Variants in TOMM7 observed in about 807,000 individuals in gnomAD.
TOMM7 encodes the protein translocase of outer mitochondrial membrane 7, also known as mitochondrial import receptor subunit TOM7 homolog.
Under a neutral mutation model 9.5 loss-of-function variants are expected in TOMM7, and 8 were observed. That is an observed-to-expected ratio of 0.84 (90% CI 0.49 to 1.51). The LOEUF is 1.51. TOMM7 is among the 40% of genes most tolerant of loss of function. The pLI, the probability that TOMM7 is intolerant of heterozygous loss-of-function variation, is 0.00. For missense variants in TOMM7, 74 were observed against 63.7 expected (o/e 1.16, Z -0.55); for synonymous variants, 27 against 21.4 (o/e 1.26, Z -0.72).
intron 1 of TOMM7, 143 bp downstream of exon 1, chr7:22,822,534 G>A: frequency 1.3e-6 from 1 of 793,074 alleles, no homozygotes; most frequent in African/African-American, 1.7e-5. Context: ...GGTTAGATCG[G>A]CCCCACTTGA....
chr7:22,813,295 T>C (rs1782272529), intron 2 of TOMM7, 110 bp from the exon 3 acceptor site: 6 of 927,792 alleles, frequency 6.5e-6, no homozygotes, highest in Non-Finnish European at 9.9e-6. Flanking sequence ...TCCTCATCTA[T>C]CAAATTCAGT....
intron 1 of TOMM7, among the ~76,000 whole-genome samples, chr7:22,820,126 G>A (rs945503449): frequency 1.3e-5 from 2 of 152,144 alleles, no homozygotes; most frequent in Non-Finnish European, 2.9e-5. Context: ...CTTGAAACCA[G>A]AAGTTCAAGA....
At chr7:22,819,617 C>T (rs1015324602) in intron 1 of TOMM7, among the ~76,000 whole-genome samples, 10 of 152,182 alleles carry the variant, frequency 6.6e-5, no homozygotes, top group Non-Finnish European at 8.8e-5. Flanking sequence ...GTAATCCACC[C>T]GCCCCAGCCT....
chr7:22,817,983 AGTTTT>A lies in TOMM7; in HGVS notation c.152+12_152+16del, dbSNP rs764240419. The A allele has an allele frequency of 6.2e-7, 1 of 1,611,770 alleles. No individual in the cohort carries two copies. Among genetic ancestry groups the A allele is most frequent in the Non-Finnish European group, 8.5e-7 (1 of 1,178,164 alleles). Reference sequence around the variant, plus strand: ...TATGAACATTTGTCCTGAAATGTTTAGTTTTAAGAGCAGTACCTCAAAACAGTTGG... The same window carrying A: ...TATGAACATTTGTCCTGAAATGTTTAAAGAGCAGTACCTCAAAACAGTTGG... On this transcript the variant is annotated intron_variant, in intron 2 of 2. Transcript: ENST00000358435.
In TOMM7 at chr7:22,813,155, A is replaced by G. The variant is rs755096940; in HGVS notation, c.*15T>C. On this transcript the variant is annotated 3_prime_UTR_variant, in exon 3 of 3. Transcript: ENST00000358435. ...TCCGCTGATTGCCTCCAAATCCAGAAGACCAAATAATCCTTTATCCCCAAA... is the reference window on the plus strand; with the variant it reads ...TCCGCTGATTGCCTCCAAATCCAGAGGACCAAATAATCCTTTATCCCCAAA... The G allele has an allele frequency of 1.9e-6, 3 of 1,613,908 alleles. No homozygotes were observed. The Admixed American group carries it at 5.0e-5, about 27-fold the overall frequency.
intron 2 of TOMM7, among the ~76,000 whole-genome samples, chr7:22,816,953 C>G (rs1254827278): frequency 6.6e-6 from 1 of 152,198 alleles, no homozygotes; most frequent in African/African-American, 2.4e-5. Flanking sequence ...TAGTGAATAA[C>G]ATATTTTCTG....
chr7:22,822,749 T>G lies in TOMM7; in HGVS notation c.31A>C (p.Arg11=). MVKLSKEAKQ[R]LQQLFKGSQF... is the part of the protein sequence containing the mutation. ...CTCCCCTTGAAGAGCTGCTGTAGTC[T>G]CTGCTTGGCCTCTTTGCTCAGCTTC... The change falls in exon 1 of 3, where the codon AGA becomes CGA. Residue 11 remains arginine (R), a synonymous_variant. Coordinates refer to ENST00000358435, the MANE Select transcript of TOMM7 (RefSeq NM_019059.5). 1 of 1,614,200 alleles carries G rather than the reference T, an allele frequency of 6.2e-7. No homozygotes were observed. Among genetic ancestry groups the G allele is most frequent in the Admixed American group, 1.7e-5 (1 of 60,028 alleles).
chr7:22,817,186 A>G (rs1399019858), intron 2 of TOMM7, among the ~76,000 whole-genome samples: 1 of 152,194 alleles, frequency 6.6e-6, no homozygotes, highest in Non-Finnish European at 1.5e-5. Context: ...ATACCTATAT[A>G]TATAATTTTC....
chr7:22,813,195 T>A lies in TOMM7; in HGVS notation c.153-10A>T. On this transcript the variant is annotated splice_polypyrimidine_tract_variant and intron_variant, in intron 2 of 2. Coordinates refer to ENST00000358435, the MANE Select transcript of TOMM7 (RefSeq NM_019059.5). The stretch of plus-strand genomic sequence containing the variant: ...TTATCCCCAAAGTAGGCTAAAATGT[T>A]TGTGAAGAGAAGAAAGAAATTAAAT... The A allele has an allele frequency of 6.2e-7, 1 of 1,611,002 alleles. No homozygotes were observed. The highest frequency in any genetic ancestry group is 1.1e-5 in the South Asian group (1 of 90,234).
intron 2 of TOMM7, among the ~76,000 whole-genome samples, chr7:22,817,073 A>C (rs1420688010): frequency 3.9e-5 from 6 of 152,120 alleles, no homozygotes; most frequent in African/African-American, 1.5e-4. Context: ...TGTCTGAGAC[A>C]GGATCAAGGA....
intron 1 of TOMM7, among the ~76,000 whole-genome samples, chr7:22,821,914 C>T (rs559820169): frequency 6.6e-6 from 1 of 152,092 alleles, no homozygotes; most frequent in Non-Finnish European, 1.5e-5. Flanking sequence ...GTGGAAGGAT[C>T]GCTAGAGCAC....
At chr7:22,822,007 A>G in intron 1 of TOMM7, 1 of 1,003,492 alleles carries the variant, frequency 1.0e-6, no homozygotes, top group Non-Finnish European at 1.4e-6. Flanking sequence ...CTTAAAAACA[A>G]AAACCAAAAA....
chr7:22,814,871 T>C (rs1055178482), intron 2 of TOMM7, among the ~76,000 whole-genome samples: 2 of 152,336 alleles, frequency 1.3e-5, no homozygotes, highest in Non-Finnish European at 2.9e-5. Context: ...AATAAATATA[T>C]GTAGAAACAA....
At chr7:22,822,144 G>A (rs768266750) in intron 1 of TOMM7, 15 of 1,550,164 alleles carry the variant, frequency 9.7e-6, no homozygotes, top group Non-Finnish European at 1.3e-5. Context: ...CTCTACGGCT[G>A]TTTCCTCACC....
intron 2 of TOMM7, among the ~76,000 whole-genome samples, chr7:22,814,604 G>GA (rs1260294418): frequency 6.6e-6 from 1 of 152,154 alleles, no homozygotes; most frequent in Non-Finnish European, 1.5e-5. Flanking sequence ...GCAGATAATG[G>GA]AAATGATTCT....
intron 1 of TOMM7, among the ~76,000 whole-genome samples, chr7:22,821,115 A>G (rs1243475398): frequency 6.6e-6 from 1 of 152,224 alleles, no homozygotes; most frequent in Non-Finnish European, 1.5e-5. Flanking sequence ...CAGTAAAATT[A>G]AAAAGAAAAA....
intron 1 of TOMM7, chr7:22,822,043 T>C (rs1393876490): frequency 2.4e-6 from 3 of 1,274,804 alleles, no homozygotes; most frequent in African/African-American, 1.5e-5. Flanking sequence ...AAGTGCGCTA[T>C]AATGGTTAAG....
At chr7:22,815,695 C>G (rs1342811147) in intron 2 of TOMM7, among the ~76,000 whole-genome samples, 1 of 152,058 alleles carries the variant, frequency 6.6e-6, no homozygotes, top group Non-Finnish European at 1.5e-5. Context: ...CAAAAGGATA[C>G]TATGGGGCTG....
At chr7:22,821,048 G>T (rs62448359) in intron 1 of TOMM7, among the ~76,000 whole-genome samples, 17,246 of 152,110 alleles carry the variant, frequency 0.11, 1,082 homozygotes, top group Non-Finnish European at 0.14. Flanking sequence ...TGCTCAAACT[G>T]ACACAGCTGG....
Sources: gnomAD v4.1 joint callset for allele counts (sites outside exome capture counted in the v4.1 genomes callset) on GRCh38, gnomAD v4.1.1 for gene constraint, MANE v1.5 for transcripts, NCBI Gene and HGNC (gene_info 2026-07-23, HGNC 2026-07-21) for gene names.